NRG3: variants seen among roughly 807,000 people sequenced by gnomAD.
NRG3 encodes pro-neuregulin-3, membrane-bound isoform.
In NRG3, 31 loss-of-function variants were observed where a neutral mutation model predicts 66.9. The ratio of observed to expected loss-of-function variants is 0.46; its 90% CI spans 0.35 to 0.63. NRG3 has a LOEUF of 0.63. NRG3 is among the 20% of genes least tolerant of loss of function. NRG3 has a pLI of 0.00. For synonymous variants in NRG3, 393 were observed against 359.4 expected (o/e 1.09, Z -1.06); for missense variants, 910 against 878.9 (o/e 1.04, Z -0.45).
chr10:82,280,406 A>G (rs1280036922), intron 1 of NRG3, among the ~76,000 whole-genome samples: 1 of 152,098 alleles, frequency 6.6e-6, no homozygotes, highest in Non-Finnish European at 1.5e-5. Context: ...AAATGTCTTG[A>G]CCTTGGAAAA....
chr10:82,211,954 A>T (rs946488485), intron 1 of NRG3, among the ~76,000 whole-genome samples: 6 of 152,084 alleles, frequency 3.9e-5, no homozygotes, highest in African/African-American at 1.4e-4. Context: ...GGTGACAAAG[A>T]TTGCTGAGGT....
intron 2 of NRG3, among the ~76,000 whole-genome samples, chr10:82,707,651 C>G (rs2056395072): frequency 1.3e-5 from 2 of 151,586 alleles, no homozygotes; most frequent in Admixed American, 1.3e-4. Flanking sequence ...GCCTCCACCT[C>G]CCAAAGTGCT....
At chr10:81,964,705 GA>G (rs2059664468) in intron 1 of NRG3, among the ~76,000 whole-genome samples, 1 of 152,128 alleles carries the variant, frequency 6.6e-6, no homozygotes, top group African/African-American at 2.4e-5. Context: ...CCATTCCACA[GA>G]GAGTCAACCC....
At chr10:82,672,226 A>G (rs2053338174) in intron 2 of NRG3, among the ~76,000 whole-genome samples, 1 of 152,184 alleles carries the variant, frequency 6.6e-6, no homozygotes, top group South Asian at 2.1e-4. Flanking sequence ...GTGGGGACAG[A>G]AAGTGCAAAG....
intron 2 of NRG3, among the ~76,000 whole-genome samples, chr10:82,590,262 A>T (rs143306075): frequency 3.7e-4 from 57 of 152,342 alleles, no homozygotes; most frequent in Admixed American, 9.8e-4. Context: ...TCTTGTAAGT[A>T]TGAAGTATTA....
chr10:82,169,054 T>G (rs2072343376), intron 1 of NRG3, among the ~76,000 whole-genome samples: 1 of 152,128 alleles, frequency 6.6e-6, no homozygotes, highest in Non-Finnish European at 1.5e-5. Context: ...GAAGTTGACC[T>G]CAGTACTGTA....
rs12763294 is a variant in NRG3 at position 82,031,946 on chromosome 10, C to T, written c.823+155783C>T. Among the ~76,000 whole-genome samples the T allele has an allele frequency of 4.8e-3, 736 of 152,142 alleles. 5 individuals are homozygous for T. The highest frequency in any genetic ancestry group is 9.1e-3 in the Non-Finnish European group (620 of 67,986). ...CATCAATAATTTTTTCACCTCCAAG[C>T]CACCCCTTCACACCACCTTCATGTG... On this transcript the variant is annotated intron_variant, in intron 1 of 8. Coordinates refer to ENST00000372141, the MANE Select transcript of NRG3 (RefSeq NM_001010848.4).
chr10:82,123,353 T>C (rs1216961759), intron 1 of NRG3, among the ~76,000 whole-genome samples: 1 of 152,166 alleles, frequency 6.6e-6, no homozygotes, highest in Admixed American at 6.6e-5. Context: ...TTTAATACAT[T>C]CAGTGTTCCT....
chr10:82,909,584 G>T (rs1050534614), intron 4 of NRG3, among the ~76,000 whole-genome samples: 12 of 152,100 alleles, frequency 7.9e-5, no homozygotes, highest in Admixed American at 6.6e-4. Context: ...ACACAAGTAT[G>T]CCCACAATGG....
At chr10:82,075,665 TTTTA>T (rs2065049525) in intron 1 of NRG3, among the ~76,000 whole-genome samples, 1 of 152,282 alleles carries the variant, frequency 6.6e-6, no homozygotes, top group African/African-American at 2.4e-5. Flanking sequence ...ATGGATGATT[TTTTA>T]TTTTCCTTAT....
chr10:82,021,255 C>T (rs2062046199), intron 1 of NRG3, among the ~76,000 whole-genome samples: 1 of 152,040 alleles, frequency 6.6e-6, no homozygotes, highest in African/African-American at 2.4e-5. Context: ...GCATGGTAAG[C>T]AAGGCTGCCT....
At position 82,231,030 on chromosome 10, in the gene NRG3, T is replaced by C. The variant is rs958068488; in HGVS notation, c.824-127709T>C. ...ATTACAGTGAATGGTCAGTAGATAATAAAGAAATGTAGGATTATAAATATT... is the reference window on the plus strand; with the variant it reads ...ATTACAGTGAATGGTCAGTAGATAACAAAGAAATGTAGGATTATAAATATT... On this transcript the variant is annotated intron_variant, in intron 1 of 8. Coordinates refer to ENST00000372141, the MANE Select transcript of NRG3 (RefSeq NM_001010848.4). Among the ~76,000 whole-genome samples the C allele has an allele frequency of 3.3e-5, 5 of 152,208 alleles. No individual in the cohort carries two copies. In the East Asian group the frequency reaches 9.7e-4, roughly 29 times the overall value.
chr10:82,577,834 G>GT (rs1396279103), intron 2 of NRG3, among the ~76,000 whole-genome samples: 1 of 151,700 alleles, frequency 6.6e-6, no homozygotes, highest in African/African-American at 2.4e-5. Context: ...ATATTTATAG[G>GT]TTTTCTTCCT....
intron 4 of NRG3, among the ~76,000 whole-genome samples, chr10:82,873,351 A>T (rs1461477154): frequency 1.3e-5 from 2 of 152,208 alleles, no homozygotes; most frequent in East Asian, 1.9e-4. Flanking sequence ...TCATTCATTC[A>T]TTCATGCATG....
chr10:82,720,805 TTATACA>T (rs1555012620), intron 2 of NRG3, among the ~76,000 whole-genome samples: 1 of 63,504 alleles, frequency 1.6e-5, no homozygotes, highest in Admixed American at 2.2e-4. Context: ...TAGGAGTATT[TTATACA>T]TATATATATA....
intron 4 of NRG3, among the ~76,000 whole-genome samples, chr10:82,902,808 T>G (rs1844359861): frequency 6.6e-6 from 1 of 152,140 alleles, no homozygotes; most frequent in Non-Finnish European, 1.5e-5. Flanking sequence ...TTACAATAAA[T>G]GTATTGGAAA....
At chr10:82,723,214 A>G (rs1237469693) in intron 2 of NRG3, among the ~76,000 whole-genome samples, 1 of 152,222 alleles carries the variant, frequency 6.6e-6, no homozygotes, top group African/African-American at 2.4e-5. Context: ...AATTAGTATA[A>G]AAACAGAAAA....
chr10:82,216,263 G>A (rs777322924), intron 1 of NRG3, among the ~76,000 whole-genome samples: 1 of 151,660 alleles, frequency 6.6e-6, no homozygotes, highest in Non-Finnish European at 1.5e-5. Flanking sequence ...TTACATGCAC[G>A]AACCACTGCG....
At chr10:82,636,225 GTGTGTGTGTGTGTGTC>G (rs2050186261) in intron 2 of NRG3, among the ~76,000 whole-genome samples, 2 of 119,828 alleles carry the variant, frequency 1.7e-5, no homozygotes, top group South Asian at 2.7e-4. Flanking sequence ...ATCTACATAT[GTGTGTGTGTGTGTGTC>G]TGTGTGTGTG....
Sources: gnomAD v4.1 joint callset for allele counts (sites outside exome capture counted in the v4.1 genomes callset) on GRCh38, gnomAD v4.1.1 for gene constraint, MANE v1.5 for transcripts, NCBI Gene and HGNC (gene_info 2026-07-23, HGNC 2026-07-21) for gene names.